TMPRSS7: variants seen among roughly 807,000 people sequenced by gnomAD.
TMPRSS7 encodes the protein transmembrane protease serine 7.
Under a neutral mutation model 95.6 loss-of-function variants are expected in TMPRSS7, and 81 were observed. The ratio of observed to expected loss-of-function variants is 0.85; its 90% confidence interval spans 0.71 to 1.02. The LOEUF is 1.02. Among genes scored for constraint, TMPRSS7 ranks in the 50% least tolerant of loss-of-function variants. TMPRSS7 has a pLI of 0.00. For synonymous variants in TMPRSS7, 364 were observed against 337.8 expected, an observed-to-expected ratio of 1.08 and a Z score of -0.85; for missense variants, 945 against 955.2, an observed-to-expected ratio of 0.99 and a Z score of 0.14.
chr3:112,074,343 T>C, exon 14 of TMPRSS7: 1 of 1,614,140 alleles, frequency 6.2e-7, no homozygotes, highest in Non-Finnish European at 8.5e-7. Flanking sequence ...TGATATTTGC[T>C]TTAGGAAACA....
chr3:112,035,845 C>A (rs1317368853), intron 1 of TMPRSS7, among the ~76,000 whole-genome samples: 2 of 152,166 alleles, frequency 1.3e-5, no homozygotes, highest in Non-Finnish European at 2.9e-5. Context: ...TAACACTATG[C>A]ACATCAATAC....
intron 11 of TMPRSS7, among the ~76,000 whole-genome samples, chr3:112,063,312 C>G (rs2073535400): frequency 6.6e-6 from 1 of 152,136 alleles, no homozygotes; most frequent in African/African-American, 2.4e-5. Flanking sequence ...ACAGAGAGCT[C>G]CAGGTGGATA....
chr3:112,050,044 C>A, intron 8 of TMPRSS7, 70 bp downstream of exon 8: 3 of 1,424,688 alleles, frequency 2.1e-6, no homozygotes, highest in Admixed American at 2.2e-5. Flanking sequence ...TCTTATCTTT[C>A]TGGAAGCTGT....
chr3:112,046,708 C>T (rs2073283350), intron 5 of TMPRSS7, among the ~76,000 whole-genome samples: 1 of 152,142 alleles, frequency 6.6e-6, no homozygotes, highest in South Asian at 2.1e-4. Flanking sequence ...ACTACAATTT[C>T]AAGGATACAA....
At chr3:112,075,771 T>C (rs1371872864) in intron 15 of TMPRSS7, among the ~76,000 whole-genome samples, 1 of 152,090 alleles carries the variant, frequency 6.6e-6, no homozygotes, top group African/African-American at 2.4e-5. Context: ...AGAGAATGTG[T>C]GGAGAATGTG....
intron 13 of TMPRSS7, among the ~76,000 whole-genome samples, chr3:112,069,868 A>G (rs2073621220): frequency 6.6e-6 from 1 of 151,792 alleles, no homozygotes; most frequent in Admixed American, 6.6e-5. Flanking sequence ...GCCTTCTGCT[A>G]GCTTTTGAAT....
At chr3:112,056,267 A>G (rs1290826439) in intron 9 of TMPRSS7, among the ~76,000 whole-genome samples, 3 of 152,230 alleles carry the variant, frequency 2.0e-5, no homozygotes, top group African/African-American at 7.2e-5. Context: ...TAAAAAATTT[A>G]AGGCACTATA....
intron 15 of TMPRSS7, 145 bp from the exon 16 acceptor site, chr3:112,076,731 G>A: frequency 3.2e-6 from 3 of 934,262 alleles, no homozygotes; most frequent in South Asian, 3.3e-5. Context: ...TTTCTGCCAT[G>A]GTCCCCGGAC....
chr3:112,035,087 G>A (rs538031186), intron 1 of TMPRSS7, among the ~76,000 whole-genome samples, 194 bp downstream of exon 1: 94 of 152,262 alleles, frequency 6.2e-4, no homozygotes, highest in African/African-American at 1.7e-3. Flanking sequence ...ATTTGTAGCC[G>A]TTTTTCTAAA....
intron 13 of TMPRSS7, among the ~76,000 whole-genome samples, chr3:112,067,008 T>G (rs2073586196): frequency 6.6e-6 from 1 of 152,104 alleles, no homozygotes. Flanking sequence ...GGCCCTGGTG[T>G]GTGATGTTCC....
At chr3:112,080,537 AC>A (rs2073765172) in intron 17 of TMPRSS7, among the ~76,000 whole-genome samples, 6 of 133,186 alleles carry the variant, frequency 4.5e-5, no homozygotes, top group Admixed American at 8.1e-5. Flanking sequence ...CACTACTACT[AC>A]TACTACTACC....
At chr3:112,055,564 A>G (rs2073423498) in intron 9 of TMPRSS7, among the ~76,000 whole-genome samples, 2 of 152,192 alleles carry the variant, frequency 1.3e-5, no homozygotes, top group Admixed American at 1.3e-4. Context: ...AAAGAAAATG[A>G]CAATAAGGTT....
chr3:112,063,390 T>C, intron 11 of TMPRSS7, 135 bp from the exon 12 acceptor site: 1 of 666,928 alleles, frequency 1.5e-6, no homozygotes, highest in Non-Finnish European at 2.6e-6. Context: ...CTTCATTTGA[T>C]GAAGACACTA....
intron 7 of TMPRSS7, among the ~76,000 whole-genome samples, chr3:112,049,011 T>C (rs949763781): frequency 6.6e-6 from 1 of 152,084 alleles, no homozygotes; most frequent in Non-Finnish European, 1.5e-5. Flanking sequence ...ACAAACTTCC[T>C]AAAGCTAAAC....
chr3:112,045,966 T>C, intron 5 of TMPRSS7, 23 bp downstream of exon 5: 3 of 1,532,898 alleles, frequency 2.0e-6, no homozygotes, highest in Non-Finnish European at 2.6e-6. Context: ...TAATTTTCCT[T>C]TAGCATTCCT....
intron 2 of TMPRSS7, among the ~76,000 whole-genome samples, chr3:112,039,164 T>A (rs1376759493): frequency 6.6e-6 from 1 of 152,224 alleles, no homozygotes; most frequent in Non-Finnish European, 1.5e-5. Flanking sequence ...GAGTTCTCAC[T>A]TATGCAACAC....
At chr3:112,044,435 G>A in intron 4 of TMPRSS7, 113 bp downstream of exon 4, 1 of 869,104 alleles carries the variant, frequency 1.2e-6, no homozygotes, top group Admixed American at 2.0e-5. Context: ...GAAGTGGTTG[G>A]GGATTCATAC....
chr3:112,077,659 A>G (rs2073728742), intron 16 of TMPRSS7, among the ~76,000 whole-genome samples: 1 of 152,206 alleles, frequency 6.6e-6, no homozygotes, highest in African/African-American at 2.4e-5. Flanking sequence ...TCAGGCCTGG[A>G]GGTTATACCT....
In TMPRSS7 at chr3:112,038,269, A is replaced by AT. The variant is rs1282330268; in HGVS notation, c.251dup (p.Leu84PhefsTer18). 2.8e-6 allele frequency: 2 copies of AT among 702,734 alleles called. No homozygotes were observed. The highest frequency in any genetic ancestry group is 1.7e-5 in the African/African-American group (1 of 57,212). 43.5% of individuals were successfully genotyped at this position (702,734 alleles called of 1,614,324 possible). On this transcript the variant is annotated frameshift_variant, in exon 2 of 18. Transcript: ENST00000452346. LOFTEE classifies it high-confidence loss of function. ...AAAATAAAATCATTCTCTTCACAGT[A>AT]TTTTTATTCATCCTAGCAGTCATAG...
Sources: allele counts gnomAD v4.1 joint callset (sites outside exome capture counted in the v4.1 genomes callset), GRCh38; gene constraint gnomAD v4.1.1; transcripts MANE v1.5; gene names NCBI Gene and HGNC (gene_info 2026-07-23, HGNC 2026-07-21).